Variants in CDH13 observed in about 807,000 individuals in gnomAD.
CDH13 encodes cadherin 13.
CDH13 carries 24 observed loss-of-function variants against 63.8 expected under a neutral mutation model. The observed-to-expected ratio is 0.38, with a 90% confidence interval of 0.27 to 0.53. The LOEUF is 0.53. CDH13 is among the 20% of genes least tolerant of loss of function. The probability of loss-of-function intolerance (pLI) is 0.85; values close to 1 mark genes in which losing one functional copy is unlikely to be tolerated. For synonymous variants in CDH13, 503 were observed against 355.3 expected (o/e 1.42, Z -4.67); for missense variants, 1,049 against 903.1 (o/e 1.16, Z -2.07).
intron 2 of CDH13, among the ~76,000 whole-genome samples, chr16:82,933,286 C>G (rs775337560): frequency 1.3e-5 from 2 of 152,060 alleles, no homozygotes. Flanking sequence ...CACATGGCAG[C>G]AGGAGAGAGA....
At chr16:83,164,829 G>GTATA (rs140256316) in intron 4 of CDH13, among the ~76,000 whole-genome samples, 71 of 151,664 alleles carry the variant, frequency 4.7e-4, no homozygotes, top group African/African-American at 1.6e-3. Context: ...TACTAACAGT[G>GTATA]TGTATATATA....
intron 2 of CDH13, among the ~76,000 whole-genome samples, chr16:82,991,304 G>T (rs1486246253): frequency 6.6e-6 from 1 of 152,156 alleles, no homozygotes; most frequent in African/African-American, 2.4e-5. Context: ...CTGCTGAAAG[G>T]CAAATTTAAG....
Position 83,783,473 on chromosome 16 carries a change from G to C in CDH13, c.2134+1G>C. On this transcript the variant is annotated splice_donor_variant, in intron 13 of 13. Coordinates refer to ENST00000567109, the MANE Select transcript of CDH13 (RefSeq NM_001257.5). LOFTEE classifies it high-confidence loss of function. ...CTCCTCAGCCTCTTCAGCTTAGCTT[G>C]TAAGTTGACCTAACTCCAGTGCATG... is the stretch of plus-strand genomic sequence containing the variant. The C allele has an allele frequency of 2.5e-6, 4 of 1,612,366 alleles. No homozygotes were observed. Among genetic ancestry groups the C allele is most frequent in the Non-Finnish European group, 3.4e-6 (4 of 1,178,578 alleles).
intron 1 of CDH13, among the ~76,000 whole-genome samples, chr16:82,793,359 T>C (rs749409405): frequency 1.2e-4 from 17 of 142,902 alleles, no homozygotes; most frequent in Non-Finnish European, 2.5e-4. Flanking sequence ...GCCAAGAAGA[T>C]ACTTTCTGTG....
At chr16:83,008,847 A>G (rs939863211) in intron 2 of CDH13, among the ~76,000 whole-genome samples, 1 of 152,230 alleles carries the variant, frequency 6.6e-6, no homozygotes, top group East Asian at 1.9e-4. Flanking sequence ...TATGGAAGAA[A>G]GAGGTTTCAT....
At chr16:83,723,541 A>G (rs374187685) in intron 10 of CDH13, among the ~76,000 whole-genome samples, 4 of 152,232 alleles carry the variant, frequency 2.6e-5, no homozygotes, top group South Asian at 4.1e-4. Context: ...CAGTCTCACT[A>G]TCATCTCCTT....
chr16:83,668,526 T>C (rs994073477), intron 8 of CDH13, among the ~76,000 whole-genome samples: 4 of 152,208 alleles, frequency 2.6e-5, no homozygotes, highest in Admixed American at 2.6e-4. Context: ...TTTTCTAAGG[T>C]ACAGGTGTCA....
intron 4 of CDH13, among the ~76,000 whole-genome samples, chr16:83,158,440 G>T (rs2037308257): frequency 6.6e-6 from 1 of 152,152 alleles, no homozygotes; most frequent in South Asian, 2.1e-4. Flanking sequence ...GCCCGGTGGA[G>T]GCTGCCCTTC....
intron 1 of CDH13, among the ~76,000 whole-genome samples, chr16:82,633,029 T>C (rs1404571327): frequency 1.3e-5 from 2 of 152,156 alleles, no homozygotes; most frequent in Non-Finnish European, 2.9e-5. Context: ...CAGGCGGTAA[T>C]GCGAGTGCTG....
intron 1 of CDH13, among the ~76,000 whole-genome samples, chr16:82,668,600 A>G (rs1473384847): frequency 6.6e-6 from 1 of 152,142 alleles, no homozygotes. Flanking sequence ...CAATGATAAG[A>G]GTTTGAGGCC....
At chr16:82,992,497 G>A (rs1026722500) in intron 2 of CDH13, among the ~76,000 whole-genome samples, 6 of 152,098 alleles carry the variant, frequency 3.9e-5, no homozygotes, top group Non-Finnish European at 7.4e-5. Flanking sequence ...GGGCAGGGTG[G>A]GGATAGAATT....
intron 2 of CDH13, among the ~76,000 whole-genome samples, chr16:82,949,335 C>T (rs977218057): frequency 6.6e-6 from 1 of 152,192 alleles, no homozygotes; most frequent in African/African-American, 2.4e-5. Context: ...CCCTGCGTCT[C>T]TGTCTTCACA....
intron 2 of CDH13, among the ~76,000 whole-genome samples, chr16:83,010,460 CA>C (rs961611303): frequency 1.6e-4 from 25 of 151,968 alleles, no homozygotes; most frequent in African/African-American, 5.3e-4. Context: ...GAGTATAAAC[CA>C]TAGGTAATGT....
intron 5 of CDH13, among the ~76,000 whole-genome samples, chr16:83,313,875 C>T (rs925225644): frequency 7.2e-5 from 11 of 152,126 alleles, no homozygotes; most frequent in South Asian, 4.1e-4. Flanking sequence ...GGGTTTTATG[C>T]ATGACTTACT....
At chr16:82,886,529 T>C (rs1286807036) in intron 2 of CDH13, among the ~76,000 whole-genome samples, 4 of 151,404 alleles carry the variant, frequency 2.6e-5, no homozygotes, top group South Asian at 2.1e-4. Context: ...CATTTCTGTT[T>C]CTTAAAATTA....
chr16:82,850,524 A>C (rs1222943121), intron 1 of CDH13, among the ~76,000 whole-genome samples: 2 of 152,240 alleles, frequency 1.3e-5, no homozygotes, highest in Admixed American at 6.5e-5. Flanking sequence ...AAAGACAATA[A>C]AGGATTTAGA....
chr16:83,596,296 T>G (rs957346731), intron 7 of CDH13, among the ~76,000 whole-genome samples: 1 of 152,164 alleles, frequency 6.6e-6, no homozygotes, highest in African/African-American at 2.4e-5. Context: ...TCCCAAAACA[T>G]TCAAGGCAAA....
chr16:83,749,175 T>C (rs1912864588), intron 11 of CDH13, among the ~76,000 whole-genome samples: 1 of 152,190 alleles, frequency 6.6e-6, no homozygotes, highest in Non-Finnish European at 1.5e-5. Flanking sequence ...AAAGATTCAG[T>C]TTTGAGTCCT....
intron 2 of CDH13, among the ~76,000 whole-genome samples, chr16:82,931,745 C>A (rs973116382): frequency 6.6e-6 from 1 of 152,068 alleles, no homozygotes; most frequent in Non-Finnish European, 1.5e-5. Flanking sequence ...AAAGGAGGAA[C>A]CCCTTATAGA....
Sources: allele counts gnomAD v4.1 joint callset (sites outside exome capture counted in the v4.1 genomes callset), GRCh38; gene constraint gnomAD v4.1.1; transcripts MANE v1.5; gene names NCBI Gene and HGNC (gene_info 2026-07-23, HGNC 2026-07-21).